Variants in FUT8 observed in about 807,000 individuals in gnomAD.
The protein encoded by FUT8 is fucosyltransferase 8.
In FUT8, 29 loss-of-function variants were observed where a neutral mutation model predicts 71.3. The ratio of observed to expected loss-of-function variants is 0.41; its 90% CI spans 0.30 to 0.55. The LOEUF is 0.55. FUT8 is among the 20% of genes least tolerant of loss of function. The pLI, the probability that FUT8 is intolerant of heterozygous loss-of-function variation, is 0.34. For missense variants in FUT8, 544 were observed against 702.1 expected, an observed-to-expected ratio of 0.77 and a Z score of 2.55; for synonymous variants, 254 against 239.3, an observed-to-expected ratio of 1.06 and a Z score of -0.57.
At position 65,603,502 on chromosome 14, in the gene FUT8, C is replaced by G. The variant is rs1888415911; in HGVS notation, c.204-12476C>G. ...ATGTGAATTTTAGAATTGTTTTTTT[C>G]TAATTCTGTAAAGAATGATGGCGGT... On this transcript the variant is annotated intron_variant, in intron 3 of 10. Coordinates refer to ENST00000673929, the MANE Select transcript of FUT8 (RefSeq NM_001371533.1). This position sits in a 1 kb window ranked among gnomAD's most constrained non-coding sequence, Gnocchi z 4.5. Among the ~76,000 whole-genome samples the G allele has an allele frequency of 6.6e-6, 1 of 151,434 alleles. No homozygotes were observed. Among genetic ancestry groups the G allele is most frequent in the Admixed American group, 6.6e-5 (1 of 15,130 alleles).
At chr14:65,429,418 A>C (rs1377748802) in intron 1 of FUT8, among the ~76,000 whole-genome samples, 1 of 152,202 alleles carries the variant, frequency 6.6e-6, no homozygotes, top group Non-Finnish European at 1.5e-5. Context: ...GCGTAAGAAA[A>C]TTTGTTTCAT....
intron 3 of FUT8, among the ~76,000 whole-genome samples, chr14:65,567,870 GTTTA>G (rs1278585912): frequency 1.3e-5 from 2 of 151,810 alleles, no homozygotes; most frequent in Non-Finnish European, 2.9e-5. Context: ...TAAATGAGCT[GTTTA>G]TTTATGATTT....
intron 1 of FUT8, among the ~76,000 whole-genome samples, chr14:65,451,057 C>T (rs530340531): frequency 2.6e-5 from 4 of 152,116 alleles, no homozygotes; most frequent in East Asian, 3.9e-4. Context: ...GAGGTTTTGC[C>T]GTGTTAGCCA....
chr14:65,492,026 T>TA (rs970691607), intron 2 of FUT8, among the ~76,000 whole-genome samples: 2 of 152,080 alleles, frequency 1.3e-5, no homozygotes, highest in African/African-American at 2.4e-5. Flanking sequence ...ATGAAGACAT[T>TA]AAAAAAATGA....
chr14:65,463,750 A>T (rs2066001236), intron 2 of FUT8, among the ~76,000 whole-genome samples: 1 of 151,900 alleles, frequency 6.6e-6, no homozygotes, highest in Non-Finnish European at 1.5e-5. Context: ...TTTCCTTCTC[A>T]TTTTAGGTTT....
At chr14:65,452,778 C>CA (rs2065846365) in intron 1 of FUT8, among the ~76,000 whole-genome samples, 1 of 152,124 alleles carries the variant, frequency 6.6e-6, no homozygotes, top group Admixed American at 6.5e-5. Flanking sequence ...ATCCATCAGA[C>CA]AAAAAAACTT....
At position 65,669,114 on chromosome 14, in the gene FUT8, C is replaced by T. The variant is rs959665040; in HGVS notation, c.598-129C>T. 2.8e-5 allele frequency: 19 copies of T among 672,286 alleles called. No individual in the cohort carries two copies. The highest frequency in any genetic ancestry group is 1.6e-4 in the African/African-American group (9 of 54,780). The allele number at this position is 672,286 out of a possible 1,614,324, so 41.6% of individuals were successfully genotyped here. On this transcript the variant is annotated intron_variant, in intron 6 of 10. Transcript: ENST00000673929. The surrounding 1 kb of genome is among the most constrained non-coding windows in gnomAD (Gnocchi z 4.5). ...TACTTGGGGTGTATACCAAACCCCA[C>T]GACACACAATTTATCTATAGAACAA...
the FUT8 span, among the ~76,000 whole-genome samples, chr14:65,399,611 G>C: frequency 3.0e-4 from 46 of 152,322 alleles, no homozygotes; most frequent in East Asian, 7.9e-3. Context: ...GCAGAGGAAA[G>C]TTAATCACGC....
intron 2 of FUT8, among the ~76,000 whole-genome samples, chr14:65,457,385 T>C (rs2065908014): frequency 6.6e-6 from 1 of 152,022 alleles, no homozygotes; most frequent in South Asian, 2.1e-4. Flanking sequence ...GAAAGAGAAA[T>C]GATGTAAAAT....
At chr14:65,481,113 T>C (rs532426161) in intron 2 of FUT8, among the ~76,000 whole-genome samples, 2 of 152,312 alleles carry the variant, frequency 1.3e-5, no homozygotes, top group South Asian at 2.1e-4. Flanking sequence ...CCAACACTTA[T>C]TTTCTGCTGG....
At chr14:65,435,235 TTGTTA>T (rs2139448268) in intron 1 of FUT8, among the ~76,000 whole-genome samples, 1 of 152,272 alleles carries the variant, frequency 6.6e-6, no homozygotes, top group South Asian at 2.1e-4. Context: ...ATATACATCG[TTGTTA>T]TGTTGTTTAT....
At chr14:65,616,171 A>G in intron 4 of FUT8, 40 bp from the exon 5 acceptor site, 7 of 1,595,994 alleles carry the variant, frequency 4.4e-6, no homozygotes, top group South Asian at 2.3e-5. Context: ...CTTTTATCAA[A>G]ATGTTGGAAA....
intron 1 of FUT8, among the ~76,000 whole-genome samples, chr14:65,423,490 C>A (rs920116033): frequency 6.6e-6 from 1 of 151,948 alleles, no homozygotes; most frequent in East Asian, 1.9e-4. Flanking sequence ...TCTTGATCTC[C>A]TGACCTCGTG....
At position 65,742,146 on chromosome 14, in the gene FUT8, A is replaced by C; in HGVS notation, c.1464A>C (p.Ala488=). The stretch of plus-strand genomic sequence containing the variant: ...AAACACTACATCCTGATGCCTCTGC[A>C]AACTTCCATTCTTTAGATGACATCT... ...IMQTLHPDAS[A]NFHSLDDIYY... Residue 488 remains alanine, a synonymous_variant, in exon 11 of 11, where the codon GCA becomes GCC. Coordinates refer to ENST00000673929, the MANE Select transcript of FUT8 (RefSeq NM_001371533.1). The C allele has an allele frequency of 1.2e-6, 2 of 1,613,140 alleles. No homozygotes were observed. Among genetic ancestry groups the C allele is most frequent in the Non-Finnish European group, 1.7e-6 (2 of 1,179,372 alleles).
In FUT8 at chr14:65,742,472, C is replaced by T. The variant is rs1054218; in HGVS notation, c.*62C>T. ...CGACCAAACTCAGTTCAAACCATTT[C>T]AGCCAAACTGTAGATGAAGAGGGCT... On this transcript the variant is annotated 3_prime_UTR_variant, in exon 11 of 11. Coordinates refer to ENST00000673929, the MANE Select transcript of FUT8 (RefSeq NM_001371533.1). 3.0e-5 allele frequency: 44 copies of T among 1,443,810 alleles called. 1 individual carries two copies. In the South Asian group the frequency reaches 5.8e-4, roughly 19 times the overall value. 89.4% of individuals were successfully genotyped at this position (1,443,810 alleles called of 1,614,324 possible).
chr14:65,487,578 A>C (rs920926225), intron 2 of FUT8, among the ~76,000 whole-genome samples: 6 of 151,906 alleles, frequency 3.9e-5, no homozygotes, highest in Non-Finnish European at 5.9e-5. Flanking sequence ...AAAAAAAAAA[A>C]AAAAAAACTC....
At chr14:65,368,962 A>T in the FUT8 span, among the ~76,000 whole-genome samples, 2 of 152,236 alleles carry the variant, frequency 1.3e-5, no homozygotes, top group Non-Finnish European at 2.9e-5. Flanking sequence ...GCCCGGCTGC[A>T]AAATTACTTT....
intron 2 of FUT8, among the ~76,000 whole-genome samples, chr14:65,473,352 A>G (rs1452388319): frequency 1.3e-5 from 2 of 152,024 alleles, no homozygotes; most frequent in African/African-American, 4.8e-5. Context: ...TGTCTTTTCT[A>G]TCTCTCACCT....
intron 1 of FUT8, among the ~76,000 whole-genome samples, chr14:65,424,539 CT>C (rs796843891): frequency 0.12 from 15,404 of 125,300 alleles, 729 homozygotes; most frequent in Middle Eastern, 0.18. Context: ...CTTTTCTTTT[CT>C]TTTTTTTTTT....
Sources: allele counts gnomAD v4.1 joint callset (sites outside exome capture counted in the v4.1 genomes callset), GRCh38; gene constraint gnomAD v4.1.1; non-coding constraint Gnocchi (gnomAD v3.1); transcripts MANE v1.5; gene names NCBI Gene and HGNC (gene_info 2026-07-23, HGNC 2026-07-21).